ZNF718: variants seen among roughly 807,000 people sequenced by gnomAD.
The protein encoded by ZNF718 is zinc finger protein 718.
A neutral mutation model predicts 2.6 loss-of-function variants in ZNF718; 3 were observed. The observed-to-expected ratio is 1.16, with a 90% confidence interval of 0.53 to 3.01. ZNF718 has a LOEUF of 3.01. ZNF718 is among the 30% of genes most tolerant of loss of function. ZNF718 has a pLI of 0.03. For synonymous variants in ZNF718, 135 were observed against 77.9 expected, an observed-to-expected ratio of 1.73 and a Z score of -3.86; for missense variants, 468 against 230.0, an observed-to-expected ratio of 2.03 and a Z score of -6.69.
At chr4:168,236 G>A (rs1186226034), downstream of ZNF718, among the ~76,000 whole-genome samples, 2 of 152,152 alleles carry the variant, frequency 1.3e-5, no homozygotes, top group African/African-American at 4.8e-5. Flanking sequence ...TTGATGTGCT[G>A]CTGGATTCGG....
chr4:197,471 G>C (rs1409236429), intron 3 of ZNF718, among the ~76,000 whole-genome samples: 3 of 152,066 alleles, frequency 2.0e-5, no homozygotes, highest in African/African-American at 7.2e-5. Flanking sequence ...GACTGCAAAA[G>C]ATAGAGAATT....
At chr4:139,089 T>C (rs1293766058) in intron 3 of ZNF718, among the ~76,000 whole-genome samples, 1 of 152,192 alleles carries the variant, frequency 6.6e-6, no homozygotes, top group African/African-American at 2.4e-5. Flanking sequence ...CTTCACTTTG[T>C]TGATTGTTTC....
At chr4:190,626 A>G (rs1717672340) in intron 3 of ZNF718, among the ~76,000 whole-genome samples, 1 of 152,320 alleles carries the variant, frequency 6.6e-6, no homozygotes, top group Middle Eastern at 3.4e-3. Flanking sequence ...GTCTGAGCTA[A>G]CGAGAAGATT....
downstream of ZNF718, among the ~76,000 whole-genome samples, chr4:167,093 T>C (rs1469957522): frequency 6.6e-6 from 1 of 152,180 alleles, no homozygotes; most frequent in Non-Finnish European, 1.5e-5. Context: ...CCCAGCACCA[T>C]TTATTAAATA....
At chr4:167,895 G>A (rs151321052), downstream of ZNF718, among the ~76,000 whole-genome samples, 1,989 of 152,140 alleles carry the variant, frequency 0.013, 50 homozygotes, top group African/African-American at 0.046. Context: ...GTGTTGAATC[G>A]GAGTGGTGAG....
chr4:124,544 T>C lies in ZNF718; in HGVS notation c.-127T>C. On this transcript the variant is annotated 5_prime_UTR_variant, in exon 1 of 4. Transcript: ENST00000510175. ...CAGCCAGAGCTCGGTTAGGGCCTCA[T>C]CGCTCTGCTCCCGCTCCTTAGGGAA... The C allele has an allele frequency of 1.4e-6, 2 of 1,391,520 alleles. No individual in the cohort carries two copies. The highest frequency in any genetic ancestry group is 2.0e-6 in the Non-Finnish European group (2 of 996,030). 86.2% of individuals were successfully genotyped at this position (1,391,520 alleles called of 1,614,324 possible).
chr4:201,688 G>T, exon 5 of ZNF718: 1 of 186,556 alleles, frequency 5.4e-6, no homozygotes, highest in South Asian at 1.2e-4. Flanking sequence ...TTTCTCTCTG[G>T]ATCTGGATGA....
Position 161,449 on chromosome 4 carries a change from A to G in ZNF718, c.764A>G (p.Tyr255Cys), listed in dbSNP as rs547008316. 6 of 780,798 alleles carry G rather than the reference A, an allele frequency of 7.7e-6. No homozygotes were observed. The highest frequency in any genetic ancestry group is 6.7e-5 in the South Asian group (5 of 74,610). 48.4% of individuals were successfully genotyped at this position (780,798 alleles called of 1,614,324 possible). ...AGAATTCATACTGGAGAGAAACCCT[A>G]CATATGTGAAAAATGTGGTAAAGCT... Reference protein sequence around the residue: ...HKRIHTGEKPYICEKCGKAFN... With the variant: ...HKRIHTGEKPCICEKCGKAFN... The change falls in exon 4 of 4, where the codon TAC becomes TGC. Residue 255 changes from tyrosine (Y) to cysteine (C), a missense_variant. Tyr to Cys is a radical substitution (Grantham distance 194). Coordinates refer to ENST00000510175, the MANE Select transcript of ZNF718 (RefSeq NM_001039127.6).
At chr4:138,020 A>G (rs1715649613) in intron 3 of ZNF718, among the ~76,000 whole-genome samples, 2 of 152,226 alleles carry the variant, frequency 1.3e-5, no homozygotes, top group Middle Eastern at 3.2e-3. Context: ...ATGAGTACAC[A>G]GTAGCTTTTT....
intron 3 of ZNF718, among the ~76,000 whole-genome samples, chr4:134,323 T>A (rs926023879): frequency 6.6e-6 from 1 of 152,126 alleles, no homozygotes; most frequent in Non-Finnish European, 1.5e-5. Context: ...ATTTTTTGTA[T>A]TTTTAGTAGA....
chr4:142,146 C>T (rs1019390366), intron 3 of ZNF718: 2 of 463,992 alleles, frequency 4.3e-6, no homozygotes, highest in Non-Finnish European at 8.7e-6. Flanking sequence ...CCATTGGAAC[C>T]CTTGAGGTGA....
rs2108806470 is a variant in ZNF718 at position 163,557 on chromosome 4, G to T, written c.*1435G>T. On this transcript the variant is annotated 3_prime_UTR_variant, in exon 4 of 4. Transcript: ENST00000510175. ...CTTTGTGGTTGACTTATCATTGCAT[G>T]ATGCATGACGTACATGTTCAGAGTA... 6.6e-6 allele frequency: 1 copy of T among 152,252 alleles called. No homozygotes were observed. Among genetic ancestry groups the T allele is most frequent in the East Asian group, 1.9e-4 (1 of 5,176 alleles). 9.4% of individuals were successfully genotyped at this position (152,252 alleles called of 1,614,324 possible).
At position 146,407 on chromosome 4, in the gene ZNF718, T is replaced by G. The variant is rs541013968; in HGVS notation, c.227-14505T>G. On this transcript the variant is annotated intron_variant, in intron 3 of 3. Transcript: ENST00000510175. ...TCTGCTGAGCAATTTACTGATAACC[T>G]TATAGATGTTCCCTTATATGAGAAG... 2.0e-5 allele frequency among the ~76,000 whole-genome samples: 3 copies of G among 152,240 alleles called. No individual in the cohort carries two copies. The South Asian group carries it at 6.2e-4, about 31-fold the overall frequency.
chr4:188,240 G>C (rs943160194), intron 3 of ZNF718, among the ~76,000 whole-genome samples: 1 of 152,196 alleles, frequency 6.6e-6, no homozygotes, highest in Non-Finnish European at 1.5e-5. Flanking sequence ...ATCCAGCGAG[G>C]ATAATGGATT....
chr4:160,323 G>C (rs1210052820), intron 3 of ZNF718, among the ~76,000 whole-genome samples: 1 of 152,094 alleles, frequency 6.6e-6, no homozygotes, highest in Non-Finnish European at 1.5e-5. Context: ...ACTTTACTTC[G>C]TGTTTTATGT....
At chr4:140,099 G>C (rs1715748209) in intron 3 of ZNF718, among the ~76,000 whole-genome samples, 1 of 152,036 alleles carries the variant, frequency 6.6e-6, no homozygotes, top group Non-Finnish European at 1.5e-5. Context: ...TGTTTTAAGG[G>C]ACTTAAACCT....
Position 129,789 on chromosome 4 carries a change from C to G in ZNF718, c.4-999C>G, listed in dbSNP as rs1435603162. Reference sequence around the variant, plus strand: ...TATTCTACGCATTTAAAAAAAAAAACAATGATAAGAAAACAGAAGAACAAA... The same window carrying G: ...TATTCTACGCATTTAAAAAAAAAAAGAATGATAAGAAAACAGAAGAACAAA... On this transcript the variant is annotated intron_variant, in intron 1 of 3. Coordinates refer to ENST00000510175, the MANE Select transcript of ZNF718 (RefSeq NM_001039127.6). Among the ~76,000 whole-genome samples, 4 of 96,946 alleles carry G rather than the reference C, an allele frequency of 4.1e-5. 2 individuals carry two copies. Among genetic ancestry groups the G allele is most frequent in the Non-Finnish European group, 9.0e-5 (4 of 44,328 alleles). The allele number at this position is 96,946 out of a possible 152,430, so 63.6% of individuals were successfully genotyped here. A position where few individuals can be genotyped will look rare whatever the true frequency, so the allele number is the denominator to read the frequency against.
chr4:189,718 C>T (rs2108815931), intron 3 of ZNF718, among the ~76,000 whole-genome samples: 1 of 152,256 alleles, frequency 6.6e-6, no homozygotes, highest in East Asian at 1.9e-4. Context: ...CACATAAAGT[C>T]TGCAATTATC....
At chr4:146,743 A>C (rs1716082991) in intron 3 of ZNF718, among the ~76,000 whole-genome samples, 1 of 151,408 alleles carries the variant, frequency 6.6e-6, no homozygotes, top group African/African-American at 2.4e-5. Context: ...TCTAATTAGA[A>C]ACTTTCAAAT....
Sources: gnomAD v4.1 joint callset for allele counts (sites outside exome capture counted in the v4.1 genomes callset) on GRCh38, gnomAD v4.1.1 for gene constraint, MANE v1.5 for transcripts, NCBI Gene and HGNC (gene_info 2026-07-23, HGNC 2026-07-21) for gene names.